The following XPO7 variants were observed in gnomAD, a reference collection of about 807,000 sequenced individuals.
XPO7 encodes the protein exportin-7.
A neutral mutation model predicts 144.3 loss-of-function variants in XPO7; 21 were observed. The ratio of observed to expected loss-of-function variants is 0.15; its 90% CI spans 0.10 to 0.21. XPO7 has a LOEUF of 0.21. Among genes scored for constraint, XPO7 ranks in the 10% least tolerant of loss-of-function variants. The pLI is 1.00. For missense variants in XPO7, 808 were observed against 1,325.8 expected, an observed-to-expected ratio of 0.61 and a Z score of 6.06; for synonymous variants, 580 against 499.6, an observed-to-expected ratio of 1.16 and a Z score of -2.15.
chr8:21,958,777 TG>T (rs1811623891), intron 1 of XPO7, among the ~76,000 whole-genome samples: 1 of 151,938 alleles, frequency 6.6e-6, no homozygotes, highest in Non-Finnish European at 1.5e-5. Flanking sequence ...CTGGCCAACA[TG>T]GGGAAAACCC....
intron 1 of XPO7, among the ~76,000 whole-genome samples, chr8:21,924,540 A>C (rs1289746099): frequency 3.3e-5 from 5 of 152,044 alleles, no homozygotes; most frequent in Admixed American, 6.6e-5. Flanking sequence ...TTTAGCTTCA[A>C]AGCCAGGGGG....
intron 27 of XPO7, 81 bp downstream of exon 27, chr8:22,004,111 C>T: frequency 2.6e-6 from 4 of 1,567,704 alleles, no homozygotes; most frequent in Non-Finnish European, 2.6e-6. Context: ...GCTTTAAAGT[C>T]TTTGACATCT....
chr8:22,004,886 C>A, intron 27 of XPO7, 109 bp from the exon 28 acceptor site: 2 of 618,026 alleles, frequency 3.2e-6, no homozygotes, highest in Non-Finnish European at 5.5e-6. Flanking sequence ...TGAAACAGAA[C>A]CCATCAATTC....
At chr8:21,944,719 A>G (rs969026222) in intron 1 of XPO7, among the ~76,000 whole-genome samples, 1 of 152,196 alleles carries the variant, frequency 6.6e-6, no homozygotes, top group African/African-American at 2.4e-5. Flanking sequence ...ACATGTGAAC[A>G]AAGGTCTCCG....
At chr8:21,946,601 T>C (rs1450154549) in intron 1 of XPO7, among the ~76,000 whole-genome samples, 3 of 135,336 alleles carry the variant, frequency 2.2e-5, no homozygotes, top group Admixed American at 7.3e-5. Flanking sequence ...AAAAAAAACA[T>C]GAATCTAAGT....
chr8:21,940,241 T>A (rs1810947037), intron 1 of XPO7, among the ~76,000 whole-genome samples: 1 of 152,218 alleles, frequency 6.6e-6, no homozygotes, highest in Non-Finnish European at 1.5e-5. Flanking sequence ...TGAAAATTGA[T>A]ATAGGAAAAG....
At chr8:21,966,824 G>T in intron 1 of XPO7, 33 bp from the exon 2 acceptor site, 1 of 1,597,990 alleles carries the variant, frequency 6.3e-7, no homozygotes, top group South Asian at 1.1e-5. Flanking sequence ...GTAGTAGGCT[G>T]AACTGTTTTC....
Position 21,942,917 on chromosome 8 carries a change from T to C in XPO7, c.18+23129T>C, listed in dbSNP as rs183140179. Among the ~76,000 whole-genome samples the C allele has an allele frequency of 3.0e-3, 463 of 152,300 alleles. 2 individuals are homozygous for C. Among genetic ancestry groups the C allele is most frequent in the Non-Finnish European group, 4.7e-3 (317 of 68,016 alleles). On this transcript the variant is annotated intron_variant, in intron 1 of 27. Coordinates refer to ENST00000252512, the MANE Select transcript of XPO7 (RefSeq NM_015024.5). ...TTTGTTTTGTTTTGTTTTAAATGAG[T>C]GTGTGGCAGTGAAGAATATAATGGC...
intron 21 of XPO7, among the ~76,000 whole-genome samples, chr8:21,997,505 CA>C (rs1448393451): frequency 6.6e-6 from 1 of 152,180 alleles, no homozygotes; most frequent in Non-Finnish European, 1.5e-5. Context: ...AAACAGAAAA[CA>C]TCTGCACGAG....
chr8:21,970,402 G>A (rs552717291), intron 4 of XPO7, 92 bp downstream of exon 4: 26 of 1,160,604 alleles, frequency 2.2e-5, no homozygotes, highest in Middle Eastern at 2.5e-4. Context: ...AACTTAACAC[G>A]CTTATCTACT....
Position 21,965,569 on chromosome 8 carries a change from A to G in XPO7, c.19-1288A>G, listed in dbSNP as rs531848480. ...GATGGTTTGTTTCGTTTTAAGGGCAAGGTTGTTGTTTTGTTCTTTTGGGGG... is the reference window on the plus strand; with the variant it reads ...GATGGTTTGTTTCGTTTTAAGGGCAGGGTTGTTGTTTTGTTCTTTTGGGGG... On this transcript the variant is annotated intron_variant, in intron 1 of 27. Transcript: ENST00000252512. Among the ~76,000 whole-genome samples the G allele has an allele frequency of 1.4e-4, 22 of 152,282 alleles. No homozygotes were observed. The South Asian group carries it at 3.9e-3, about 27-fold the overall frequency.
At chr8:22,004,072 T>C (rs1299682789) in intron 27 of XPO7, 42 bp downstream of exon 27, 3 of 1,608,646 alleles carry the variant, frequency 1.9e-6, no homozygotes, top group Admixed American at 1.7e-5. Context: ...AGACAATTGC[T>C]ATTTTTCAAA....
At chr8:21,981,240 A>G (rs958138059) in intron 9 of XPO7, among the ~76,000 whole-genome samples, 2 of 152,258 alleles carry the variant, frequency 1.3e-5, no homozygotes, top group Non-Finnish European at 2.9e-5. Context: ...TATATGAATA[A>G]ATTACAGTAA....
intron 7 of XPO7, among the ~76,000 whole-genome samples, chr8:21,977,465 G>A (rs2117346956): frequency 6.6e-6 from 1 of 152,294 alleles, no homozygotes; most frequent in African/African-American, 2.4e-5. Context: ...TGTAATCCCA[G>A]CTACTCTGGA....
At position 21,987,187 on chromosome 8, in the gene XPO7, G is replaced by T; in HGVS notation, c.1624G>T (p.Gly542Cys). Residue 542 changes from glycine to cysteine, a missense_variant, in exon 14 of 28, where the codon GGT becomes TGT. Around this residue, in one of 5 missense-constraint regions of XPO7, gnomAD observed 416 missense variants for 612.5 expected, o/e 0.68. Transcript: ENST00000252512. ...AACAGATTCTCGTTTGGCCCAGGCGGGTAATGAGAAGCTAGAGTTGGCCAT... is the reference window on the plus strand; with the variant it reads ...AACAGATTCTCGTTTGGCCCAGGCGTGTAATGAGAAGCTAGAGTTGGCCAT... ...NLTDSRLAQA[G>C]NEKLELAMLS... is the part of the protein sequence containing the mutation. The T allele has an allele frequency of 6.2e-7, 1 of 1,613,970 alleles. No individual in the cohort carries two copies. The highest frequency in any genetic ancestry group is 8.5e-7 in the Non-Finnish European group (1 of 1,179,864).
intron 12 of XPO7, 104 bp downstream of exon 12, chr8:21,984,943 T>G (rs1812530888): frequency 8.0e-7 from 1 of 1,253,716 alleles, no homozygotes; most frequent in East Asian, 2.4e-5. Context: ...AAAGGATTCT[T>G]TCATCATCTG....
At chr8:22,004,919 T>TA (rs10548676) in intron 27 of XPO7, 76 bp from the exon 28 acceptor site, 3,270 of 274,948 alleles carry the variant, frequency 0.012, 1 homozygote, top group East Asian at 0.028. Flanking sequence ...TCCCATGCTT[T>TA]AAAAAAAAAA....
intron 15 of XPO7, 65 bp downstream of exon 15, chr8:21,987,922 T>TTC: frequency 6.5e-7 from 1 of 1,527,876 alleles, no homozygotes; most frequent in Non-Finnish European, 9.0e-7. Flanking sequence ...TAAAATGTGA[T>TTC]CTTGGCATTG....
intron 6 of XPO7, among the ~76,000 whole-genome samples, chr8:21,975,034 C>T (rs887495880): frequency 7.9e-5 from 12 of 152,170 alleles, no homozygotes; most frequent in Admixed American, 7.2e-4. Context: ...ATCCCATACT[C>T]CTATCTTAAA....
Sources: gnomAD v4.1 joint callset for allele counts (sites outside exome capture counted in the v4.1 genomes callset) on GRCh38, gnomAD v4.1.1 for gene constraint, gnomAD v4.1.1 regional missense constraint, MANE v1.5 for transcripts, NCBI Gene and HGNC (gene_info 2026-07-23, HGNC 2026-07-21) for gene names.